PTN: variants seen among roughly 807,000 people sequenced by gnomAD.
PTN encodes heparin affin regulatory protein.
A neutral mutation model predicts 24.1 loss-of-function variants in PTN; 18 were observed. The observed-to-expected ratio is 0.75, with a 90% CI of 0.52 to 1.11. The LOEUF (loss-of-function observed/expected upper bound fraction) is 1.11. PTN is among the 50% of genes least tolerant of loss of function. PTN has a pLI of 0.00. For synonymous variants in PTN, 78 were observed against 68.6 expected (o/e 1.14, Z -0.67); for missense variants, 163 against 198.8 (o/e 0.82, Z 1.08).
intron 1 of PTN, among the ~76,000 whole-genome samples, chr7:137,258,820 C>G (rs1020260858): frequency 4.6e-5 from 7 of 152,096 alleles, no homozygotes; most frequent in Non-Finnish European, 8.8e-5. Context: ...TTAACCCTAC[C>G]TGTTCTCCAA....
At chr7:137,232,465 A>G (rs888643849) in intron 4 of PTN, among the ~76,000 whole-genome samples, 2 of 151,934 alleles carry the variant, frequency 1.3e-5, no homozygotes, top group Non-Finnish European at 2.9e-5. Context: ...GGGGGTTTTT[A>G]AATACAAATA....
intron 1 of PTN, among the ~76,000 whole-genome samples, chr7:137,329,790 T>A (rs562650908): frequency 6.6e-6 from 1 of 152,246 alleles, no homozygotes; most frequent in Non-Finnish European, 1.5e-5. Context: ...ACTCCATCAT[T>A]TTCAGGAATA....
chr7:137,342,484 G>T (rs2128884532), intron 1 of PTN, among the ~76,000 whole-genome samples: 1 of 152,088 alleles, frequency 6.6e-6, no homozygotes, highest in Non-Finnish European at 1.5e-5. Flanking sequence ...AGACACAAGG[G>T]TGAGTTAACA....
At chr7:137,296,918 G>C (rs1809727506) in intron 1 of PTN, among the ~76,000 whole-genome samples, 1 of 152,000 alleles carries the variant, frequency 6.6e-6, no homozygotes. Context: ...GTAGTTGTCT[G>C]GGAAGTTTGT....
At position 137,256,528 on chromosome 7, in the gene PTN, T is replaced by C. The variant is rs374034437; in HGVS notation, c.-1-1554A>G. 3.3e-5 allele frequency among the ~76,000 whole-genome samples: 5 copies of C among 152,306 alleles called. 1 individual carries two copies. Among genetic ancestry groups the C allele is most frequent in the African/African-American group, 1.2e-4 (5 of 41,578 alleles). ...TTGTTATGGTTGCCTAGTATTCCAT[T>C]GTATATATGTACCAAATTTTCTTTA... On this transcript the variant is annotated intron_variant, in intron 1 of 4. Coordinates refer to ENST00000348225, the MANE Select transcript of PTN (RefSeq NM_002825.7).
intron 4 of PTN, among the ~76,000 whole-genome samples, chr7:137,249,844 C>G (rs114539867): frequency 0.011 from 1,600 of 152,246 alleles, 27 homozygotes; most frequent in African/African-American, 0.037. Context: ...GAACCCTAGA[C>G]TCACCACCTG....
chr7:137,241,692 C>T (rs889910483), intron 4 of PTN, among the ~76,000 whole-genome samples: 2 of 152,054 alleles, frequency 1.3e-5, no homozygotes, highest in Non-Finnish European at 1.5e-5. Context: ...ACTTCTAGTA[C>T]GGTATCATGG....
intron 4 of PTN, among the ~76,000 whole-genome samples, chr7:137,241,055 A>G (rs911579407): frequency 6.6e-6 from 1 of 152,208 alleles, no homozygotes; most frequent in Non-Finnish European, 1.5e-5. Flanking sequence ...CGAAGGGAAA[A>G]CAAGGTACAT....
intron 1 of PTN, among the ~76,000 whole-genome samples, chr7:137,258,379 T>C (rs1016688942): frequency 6.6e-6 from 1 of 152,172 alleles, no homozygotes; most frequent in African/African-American, 2.4e-5. Flanking sequence ...AAATCTTCTA[T>C]GAAATAAATG....
In PTN at chr7:137,337,416, T is replaced by G. The variant is rs536539470; in HGVS notation, c.-2+6023A>C. Among the ~76,000 whole-genome samples the G allele has an allele frequency of 3.9e-5, 6 of 152,312 alleles. No homozygotes were observed. The South Asian group carries it at 1.2e-3, about 32-fold the overall frequency. Reference sequence around the variant, plus strand: ...TCTAAGCCTGCATTTCTGTATCAATTTTTTAAAAATCCCACTCAATCTACC... The same window carrying G: ...TCTAAGCCTGCATTTCTGTATCAATGTTTTAAAAATCCCACTCAATCTACC... On this transcript the variant is annotated intron_variant, in intron 1 of 4. Transcript: ENST00000348225.
At chr7:137,321,912 T>C (rs1017683136) in intron 1 of PTN, among the ~76,000 whole-genome samples, 2 of 152,206 alleles carry the variant, frequency 1.3e-5, no homozygotes, top group African/African-American at 4.8e-5. Flanking sequence ...AGTTTAATAT[T>C]GATATTTAAT....
At chr7:137,251,501 C>A in intron 3 of PTN, 110 bp from the exon 4 acceptor site, 1 of 1,181,642 alleles carries the variant, frequency 8.5e-7, no homozygotes, top group Middle Eastern at 2.8e-4. Flanking sequence ...AATTATAGAT[C>A]CATATGCAGC....
At chr7:137,262,830 G>A (rs898883956) in intron 1 of PTN, among the ~76,000 whole-genome samples, 1 of 152,210 alleles carries the variant, frequency 6.6e-6, no homozygotes, top group African/African-American at 2.4e-5. Context: ...TAGGTCAGGG[G>A]TGGAATTTTT....
chr7:137,265,966 T>G (rs1255134757), intron 1 of PTN, among the ~76,000 whole-genome samples: 4 of 152,270 alleles, frequency 2.6e-5, no homozygotes, highest in African/African-American at 9.6e-5. Flanking sequence ...GCTTTTTGTA[T>G]GATTTTTACA....
At chr7:137,244,508 C>T (rs1808689714) in intron 4 of PTN, among the ~76,000 whole-genome samples, 1 of 151,024 alleles carries the variant, frequency 6.6e-6, no homozygotes, top group Non-Finnish European at 1.5e-5. Flanking sequence ...TTAGGCATAT[C>T]TCCTAATGCT....
intron 4 of PTN, among the ~76,000 whole-genome samples, chr7:137,248,763 A>G (rs760271011): frequency 6.6e-6 from 1 of 152,190 alleles, no homozygotes; most frequent in Admixed American, 6.5e-5. Context: ...TGAGATGGAA[A>G]AGATTGGTTA....
At chr7:137,244,374 ATTTTTT>A (rs1242182641) in intron 4 of PTN, among the ~76,000 whole-genome samples, 3 of 131,158 alleles carry the variant, frequency 2.3e-5, no homozygotes, top group East Asian at 2.2e-4. Flanking sequence ...TCTCCTCAGA[ATTTTTT>A]TTTTTTTTTT....
intron 2 of PTN, among the ~76,000 whole-genome samples, 181 bp from the exon 3 acceptor site, chr7:137,253,818 C>A (rs1170282412): frequency 6.6e-6 from 1 of 152,016 alleles, no homozygotes; most frequent in African/African-American, 2.4e-5. Flanking sequence ...AATGAATGAT[C>A]AAGAGAAGAG....
At chr7:137,335,084 C>T (rs1810424177) in intron 1 of PTN, among the ~76,000 whole-genome samples, 3 of 148,688 alleles carry the variant, frequency 2.0e-5, no homozygotes, top group African/African-American at 4.9e-5. Context: ...AGGAGATATA[C>T]CTAATGCTAA....
Sources: gnomAD v4.1 joint callset for allele counts (sites outside exome capture counted in the v4.1 genomes callset) on GRCh38, gnomAD v4.1.1 for gene constraint, MANE v1.5 for transcripts, NCBI Gene and HGNC (gene_info 2026-07-23, HGNC 2026-07-21) for gene names.